Variants in KSR1 observed in about 807,000 individuals in gnomAD.
KSR1 encodes the protein kinase suppressor of ras.
A neutral mutation model predicts 92.9 loss-of-function variants in KSR1; 35 were observed. The ratio of observed to expected loss-of-function variants is 0.38; its 90% confidence interval spans 0.29 to 0.50. The LOEUF (loss-of-function observed/expected upper bound fraction) is 0.50. Among genes scored for constraint, KSR1 ranks in the 20% least tolerant of loss-of-function variants. The pLI is 0.94. For missense variants in KSR1, 972 were observed against 1,158.5 expected (o/e 0.84, Z 2.34); for synonymous variants, 467 against 472.6 (o/e 0.99, Z 0.15).
At chr17:27,520,956 A>G (rs2070001052) in intron 1 of KSR1, among the ~76,000 whole-genome samples, 1 of 152,220 alleles carries the variant, frequency 6.6e-6, no homozygotes, top group Non-Finnish European at 1.5e-5. Flanking sequence ...AGCAGGCACT[A>G]TGGGCTGTTT....
rs541896318 is a variant in KSR1 at position 27,472,466 on chromosome 17, G to A, written c.231+15592G>A. Among the ~76,000 whole-genome samples the A allele has an allele frequency of 3.3e-5, 5 of 152,292 alleles. No homozygotes were observed. In the East Asian group the frequency reaches 9.7e-4, roughly 29 times the overall value. ...GAATTAGGGGCCTCCTTTGACCAGG[G>A]TTAACCAGCACCTTGGGTTCCTTGC... On this transcript the variant is annotated intron_variant, in intron 1 of 20. Coordinates refer to ENST00000644974, the MANE Select transcript of KSR1 (RefSeq NM_001394583.1).
intron 1 of KSR1, among the ~76,000 whole-genome samples, chr17:27,476,809 A>G (rs2068361676): frequency 6.6e-6 from 1 of 152,186 alleles, no homozygotes; most frequent in African/African-American, 2.4e-5. Context: ...GTACCCCACC[A>G]GTCCCCTCCA....
intron 1 of KSR1, chr17:27,526,777 A>G (rs1474872498): frequency 1.8e-5 from 21 of 1,140,614 alleles, no homozygotes; most frequent in Non-Finnish European, 2.7e-5. Flanking sequence ...ACAGTTCTCT[A>G]TTTGAAACAG....
At chr17:27,458,180 A>T (rs903655383) in intron 1 of KSR1, among the ~76,000 whole-genome samples, 1 of 152,174 alleles carries the variant, frequency 6.6e-6, no homozygotes, top group Non-Finnish European at 1.5e-5. Context: ...TGCTTAAAAA[A>T]CAAACAAAAC....
chr17:27,528,980 A>T (rs928842032), intron 1 of KSR1, among the ~76,000 whole-genome samples: 5 of 152,148 alleles, frequency 3.3e-5, no homozygotes, highest in African/African-American at 1.2e-4. Context: ...TGGATAAAAA[A>T]ACTCCATTTA....
intron 1 of KSR1, among the ~76,000 whole-genome samples, chr17:27,464,283 G>A (rs8069595): frequency 0.041 from 6,261 of 152,232 alleles, 400 homozygotes; most frequent in African/African-American, 0.14. Context: ...GACCTTTTTT[G>A]AAGGTCAGTC....
chr17:27,564,977 A>G (rs952358496), intron 2 of KSR1, among the ~76,000 whole-genome samples: 10 of 152,122 alleles, frequency 6.6e-5, no homozygotes, highest in Admixed American at 5.2e-4. Context: ...TCACTATGAA[A>G]TCAATGTTTA....
chr17:27,602,307 A>C (rs1268947824), intron 11 of KSR1, among the ~76,000 whole-genome samples: 1 of 152,168 alleles, frequency 6.6e-6, no homozygotes, highest in Non-Finnish European at 1.5e-5. Flanking sequence ...CGCCTCCCGG[A>C]GGCTCCCTCT....
chr17:27,591,177 C>G (rs1044481793), intron 7 of KSR1, among the ~76,000 whole-genome samples: 21 of 152,110 alleles, frequency 1.4e-4, no homozygotes, highest in African/African-American at 5.1e-4. Flanking sequence ...TGTTCTGGGA[C>G]CTGTAAGGAG....
chr17:27,590,722 G>C (rs932521660), intron 6 of KSR1, 89 bp from the exon 7 acceptor site: 147 of 1,238,304 alleles, frequency 1.2e-4, no homozygotes, highest in Non-Finnish European at 1.3e-4. Flanking sequence ...AAGACTCCCA[G>C]TTGCCCTGGA....
chr17:27,487,835 C>G (rs1212509218), intron 1 of KSR1, among the ~76,000 whole-genome samples: 2 of 152,016 alleles, frequency 1.3e-5, no homozygotes, highest in Non-Finnish European at 2.9e-5. Context: ...GAGGAGGTAC[C>G]AGGCTCCTTT....
intron 1 of KSR1, among the ~76,000 whole-genome samples, chr17:27,537,852 A>C (rs2070807562): frequency 6.6e-6 from 1 of 152,234 alleles, no homozygotes; most frequent in Admixed American, 6.5e-5. Flanking sequence ...TACAAAAAAT[A>C]ACTCAACGTG....
At chr17:27,558,829 G>A (rs2071711961) in intron 2 of KSR1, among the ~76,000 whole-genome samples, 2 of 152,076 alleles carry the variant, frequency 1.3e-5, no homozygotes, top group Admixed American at 1.3e-4. Flanking sequence ...TCTGCCCAGG[G>A]CTGCCCCCTG....
intron 1 of KSR1, among the ~76,000 whole-genome samples, chr17:27,486,559 C>T (rs1357765931): frequency 1.3e-5 from 2 of 152,190 alleles, no homozygotes; most frequent in Non-Finnish European, 2.9e-5. Context: ...CCCTGGAGCC[C>T]GTCCACCCAT....
intron 1 of KSR1, among the ~76,000 whole-genome samples, chr17:27,532,677 A>G (rs1483882901): frequency 6.6e-6 from 1 of 152,160 alleles, no homozygotes; most frequent in Admixed American, 6.5e-5. Context: ...GGACTGTGCT[A>G]GGAAAGAGGT....
At chr17:27,533,768 G>A (rs992396123) in intron 1 of KSR1, among the ~76,000 whole-genome samples, 13 of 152,164 alleles carry the variant, frequency 8.5e-5, no homozygotes, top group South Asian at 2.1e-4. Context: ...CTGTCTGTAC[G>A]CATAAAGCAC....
intron 2 of KSR1, chr17:27,560,566 A>G (rs1598028763): frequency 2.0e-6 from 1 of 503,182 alleles, no homozygotes; most frequent in East Asian, 5.5e-5. Flanking sequence ...ATGGGGGACA[A>G]AGCTGCCTTA....
intron 1 of KSR1, among the ~76,000 whole-genome samples, chr17:27,490,786 C>T (rs188198599): frequency 1.3e-5 from 2 of 152,152 alleles, no homozygotes; most frequent in Non-Finnish European, 2.9e-5. Flanking sequence ...AGCAATCTCA[C>T]TTGTGGGACT....
intron 2 of KSR1, among the ~76,000 whole-genome samples, chr17:27,569,582 T>A (rs1598048509): frequency 6.6e-6 from 1 of 152,266 alleles, no homozygotes; most frequent in Admixed American, 6.5e-5. Flanking sequence ...GAACTAAGAA[T>A]GGTTTTTACA....
Sources: allele counts gnomAD v4.1 joint callset (sites outside exome capture counted in the v4.1 genomes callset), GRCh38; gene constraint gnomAD v4.1.1; transcripts MANE v1.5; gene names NCBI Gene and HGNC (gene_info 2026-07-23, HGNC 2026-07-21).